HMGCS1: variants seen among roughly 807,000 people sequenced by gnomAD.
HMGCS1 encodes hydroxymethylglutaryl-CoA synthase, cytoplasmic.
A neutral mutation model predicts 52.3 loss-of-function variants in HMGCS1; 9 were observed. The ratio of observed to expected loss-of-function variants is 0.17; its 90% confidence interval spans 0.10 to 0.30. HMGCS1 has a LOEUF of 0.30. HMGCS1 is among the 10% of genes least tolerant of loss of function. The pLI, the probability that HMGCS1 is intolerant of heterozygous loss-of-function variation, is 1.00. For synonymous variants in HMGCS1, 176 were observed against 214.4 expected, an observed-to-expected ratio of 0.82 and a Z score of 1.57; for missense variants, 320 against 620.9, an observed-to-expected ratio of 0.52 and a Z score of 5.15.
chr5:43,309,585 G>A (rs973809612), intron 1 of HMGCS1, among the ~76,000 whole-genome samples: 18 of 152,142 alleles, frequency 1.2e-4, no homozygotes, highest in African/African-American at 4.3e-4. Flanking sequence ...GATGTTAGGT[G>A]GGAGAGACAC....
At position 43,298,437 on chromosome 5, in the gene HMGCS1, C is replaced by T; in HGVS notation, c.448+81G>A. 1.0e-6 allele frequency: 1 copy of T among 992,298 alleles called. No individual in the cohort carries two copies. Among genetic ancestry groups the T allele is most frequent in the Non-Finnish European group, 1.5e-6 (1 of 655,956 alleles). The allele number at this position is 992,298 out of a possible 1,614,324, so 61.5% of individuals were successfully genotyped here. A position where few individuals can be genotyped will look rare whatever the true frequency, so the allele number is the denominator to read the frequency against. ...ACAAATTACAAAAGTTTGCGTATTG[C>T]ATTAATTAAAGTGTCATCTGGGTCT... On this transcript the variant is annotated intron_variant, in intron 3 of 10. Coordinates refer to ENST00000325110, the MANE Select transcript of HMGCS1 (RefSeq NM_001098272.3). This position sits in a 1 kb window ranked among gnomAD's most constrained non-coding sequence, Gnocchi z 5.6.
rs1381186678 is a variant in HMGCS1, at chr5:43,290,544, G to A, written c.*587C>T. On this transcript the variant is annotated 3_prime_UTR_variant, in exon 11 of 11. Transcript: ENST00000325110. The stretch of plus-strand genomic sequence containing the variant: ...CCAGAGCCAGTGTTTTATTGTCCCA[G>A]CTCTTTTCTTCCTCTTTAGGATTTA... The A allele has an allele frequency of 2.0e-5, 3 of 152,150 alleles. No homozygotes were observed. The highest frequency in any genetic ancestry group is 7.2e-5 in the African/African-American group (3 of 41,426). The allele number at this position is 152,150 out of a possible 1,614,324, so 9.4% of individuals were successfully genotyped here.
intron 2 of HMGCS1, among the ~76,000 whole-genome samples, chr5:43,301,699 G>A (rs10069507): frequency 0.087 from 13,251 of 152,260 alleles, 1,333 homozygotes; most frequent in African/African-American, 0.25. Context: ...GTGAATGGAT[G>A]AGTTAGGAAG....
chr5:43,299,726 T>A (rs1402455626), intron 2 of HMGCS1, among the ~76,000 whole-genome samples: 1 of 151,620 alleles, frequency 6.6e-6, no homozygotes, highest in Admixed American at 6.6e-5. Context: ...GATAAACCAG[T>A]CCTCTTTTAA....
In HMGCS1 at chr5:43,288,860, C is replaced by T. The variant is rs917779916; in HGVS notation, c.*2271G>A. 6.6e-6 allele frequency: 1 copy of T among 152,036 alleles called. No individual in the cohort carries two copies. Among genetic ancestry groups the T allele is most frequent in the Non-Finnish European group, 1.5e-5 (1 of 68,000 alleles). The allele number at this position is 152,036 out of a possible 1,614,324, so 9.4% of individuals were successfully genotyped here. A position where few individuals can be genotyped will look rare whatever the true frequency, so the allele number is the denominator to read the frequency against. On this transcript the variant is annotated 3_prime_UTR_variant, in exon 11 of 11. Transcript: ENST00000325110. ...CATAGAATCCTAAGACTTGATGGTG[C>T]TCTTAGGGATCATCTAATCCAAAAT...
chr5:43,295,930 T>A lies in HMGCS1; in HGVS notation c.740-13A>T, dbSNP rs1222149380. 6.3e-7 allele frequency: 1 copy of A among 1,597,998 alleles called. No individual in the cohort carries two copies. Among genetic ancestry groups the A allele is most frequent in the Admixed American group, 1.7e-5 (1 of 58,132 alleles). ...TTATCATTTCCCTCTGAAAGAGAAG[T>A]CCAAGGAAACTATGAAATTCATATA... On this transcript the variant is annotated splice_polypyrimidine_tract_variant and intron_variant, in intron 5 of 10. Coordinates refer to ENST00000325110, the MANE Select transcript of HMGCS1 (RefSeq NM_001098272.3).
At chr5:43,299,531 C>T (rs4443425) in intron 2 of HMGCS1, among the ~76,000 whole-genome samples, 68,690 of 151,468 alleles carry the variant, frequency 0.45, 16,268 homozygotes, top group Middle Eastern at 0.61. Flanking sequence ...ATGCCTGTAG[C>T]CCCAGCTACT....
chr5:43,295,009 T>C (rs1216305096), intron 6 of HMGCS1, 148 bp from the exon 7 acceptor site: 4 of 516,576 alleles, frequency 7.7e-6, no homozygotes, highest in East Asian at 3.0e-5. Flanking sequence ...CTAATTGCTA[T>C]AGAAATCATA....
In HMGCS1 at chr5:43,297,056, A is replaced by G; in HGVS notation, c.685T>C (p.Leu229=). 1 of 1,613,654 alleles carries G rather than the reference A, an allele frequency of 6.2e-7. No individual in the cohort carries two copies. The highest frequency in any genetic ancestry group is 1.1e-5 in the South Asian group (1 of 91,078). The change falls in exon 5 of 11, where the codon TTA becomes CTA. Residue 229 remains leucine, a synonymous_variant. Transcript: ENST00000325110. ...KLSIQCYLSA[L]DRCYSVYCKK... is the part of the protein sequence containing the mutation. ...CAGTAGACAGAATAGCAGCGGTCTA[A>G]TGCACTGAGGTAGCACTGTATGGAG...
At chr5:43,299,157 T>C (rs149997712) in intron 2 of HMGCS1, among the ~76,000 whole-genome samples, 182 bp from the exon 3 acceptor site, 41 of 152,196 alleles carry the variant, frequency 2.7e-4, no homozygotes, top group African/African-American at 7.2e-5. Flanking sequence ...ATGAATGGAA[T>C]ATTATCATTT....
chr5:43,309,762 G>T (rs1043161964), intron 1 of HMGCS1, among the ~76,000 whole-genome samples: 2 of 152,210 alleles, frequency 1.3e-5, no homozygotes, highest in Non-Finnish European at 2.9e-5. Context: ...CATGGGTCAA[G>T]AAGCAGTTAA....
At chr5:43,293,871 A>T in intron 8 of HMGCS1, 185 bp downstream of exon 8, 1 of 495,380 alleles carries the variant, frequency 2.0e-6, no homozygotes, top group East Asian at 3.6e-5. Context: ...GCACCACCTC[A>T]CCTGGCTAAT....
intron 1 of HMGCS1, among the ~76,000 whole-genome samples, chr5:43,310,351 T>C (rs1029125444): frequency 6.6e-6 from 1 of 152,212 alleles, no homozygotes; most frequent in Admixed American, 6.5e-5. Context: ...CCTGCACTTC[T>C]ACAGAGGTAG....
intron 2 of HMGCS1, among the ~76,000 whole-genome samples, chr5:43,300,221 T>G (rs781224572): frequency 6.6e-6 from 1 of 152,222 alleles, no homozygotes; most frequent in Non-Finnish European, 1.5e-5. Flanking sequence ...TTGTGAGGCT[T>G]TGAAGAGTGG....
intron 4 of HMGCS1, 23 bp from the exon 5 acceptor site, chr5:43,297,189 T>C: frequency 1.9e-6 from 3 of 1,596,158 alleles, no homozygotes; most frequent in Non-Finnish European, 2.6e-6. Flanking sequence ...AAAAGGAAGA[T>C]GTCTATATAT....
chr5:43,294,511 T>G, intron 7 of HMGCS1, 180 bp downstream of exon 7: 1 of 511,762 alleles, frequency 2.0e-6, no homozygotes, highest in Non-Finnish European at 3.4e-6. Flanking sequence ...CAAATACTTC[T>G]GGAAGAACTG....
At chr5:43,293,114 A>G in intron 8 of HMGCS1, 141 bp from the exon 9 acceptor site, 1 of 658,158 alleles carries the variant, frequency 1.5e-6, no homozygotes, top group East Asian at 2.8e-5. Context: ...GTTAAAAGAT[A>G]AGATGATACC....
chr5:43,297,241 T>C (rs1397539920), intron 4 of HMGCS1, 75 bp from the exon 5 acceptor site: 1 of 1,219,716 alleles, frequency 8.2e-7, no homozygotes, highest in Non-Finnish European at 1.2e-6. Flanking sequence ...TATACTGCAT[T>C]ATCTAAGGAC....
intron 7 of HMGCS1, chr5:43,294,472 A>G: frequency 2.0e-6 from 1 of 497,036 alleles, no homozygotes; most frequent in South Asian, 3.3e-5. Flanking sequence ...CCATGAAAAC[A>G]GAAGCCAGGA....
Sources: allele counts gnomAD v4.1 joint callset (sites outside exome capture counted in the v4.1 genomes callset), GRCh38; gene constraint gnomAD v4.1.1; non-coding constraint Gnocchi (gnomAD v3.1); transcripts MANE v1.5; gene names NCBI Gene and HGNC (gene_info 2026-07-23, HGNC 2026-07-21).